BEGAIN: variants seen among roughly 807,000 people sequenced by gnomAD.
BEGAIN encodes brain enriched guanylate kinase associated.
A neutral mutation model predicts 35.8 loss-of-function variants in BEGAIN; 19 were observed. The observed-to-expected ratio is 0.53, with a 90% CI of 0.37 to 0.78. BEGAIN has a LOEUF of 0.78. Ranked by LOEUF, BEGAIN falls within the 30% of genes least tolerant of loss-of-function variation. The pLI is 0.00. For synonymous variants in BEGAIN, 462 were observed against 388.6 expected (o/e 1.19, Z -2.22); for missense variants, 795 against 853.6 (o/e 0.93, Z 0.85).
chr14:100,557,624 C>T (rs1174493712), intron 2 of BEGAIN, among the ~76,000 whole-genome samples: 2 of 152,202 alleles, frequency 1.3e-5, no homozygotes, highest in Admixed American at 6.5e-5. Flanking sequence ...CCTCATTGTA[C>T]TAAGGGTACA....
rs1018190631 is a variant in BEGAIN, at chr14:100,573,922, G to A, written c.43-5983C>T. Among the ~76,000 whole-genome samples, 9 of 151,726 alleles carry A rather than the reference G, an allele frequency of 5.9e-5. No homozygotes were observed. The highest frequency in any genetic ancestry group is 1.3e-4 in the Admixed American group (2 of 15,262). ...TGGGGATCAGGAGGTGAGCAGGACC[G>A]GCCAAGGAGACTGGGAAAGGGTGGG... On this transcript the variant is annotated intron_variant, in intron 1 of 6. Transcript: ENST00000554140. The surrounding 1 kb of genome is among the most constrained non-coding windows in gnomAD (Gnocchi z 4.2).
Position 100,543,963 on chromosome 14 carries a change from G to A in BEGAIN, c.303C>T (p.Gly101=). ...QELEDKLYRM[G]QHYEEEKRAL... ...CACGCTTCTCCTCCTCATAGTGCTG[G>A]CCCTGGGGGTGGGACAGTGGGAGGA... Residue 101 remains glycine, a splice_region_variant and synonymous_variant, in exon 5 of 7, where the codon GGC becomes GGT. Transcript: ENST00000554140. 2 of 1,607,318 alleles carry A rather than the reference G, an allele frequency of 1.2e-6. No homozygotes were observed. The highest frequency in any genetic ancestry group is 8.5e-7 in the Non-Finnish European group (1 of 1,177,052).
chr14:100,557,580 A>G (rs1194940830), intron 2 of BEGAIN, among the ~76,000 whole-genome samples: 1 of 152,144 alleles, frequency 6.6e-6, no homozygotes, highest in Non-Finnish European at 1.5e-5. Flanking sequence ...CTTGGCAGCC[A>G]GTGACGGCAT....
chr14:100,565,240 C>T (rs2139690172), intron 2 of BEGAIN, among the ~76,000 whole-genome samples: 1 of 152,300 alleles, frequency 6.6e-6, no homozygotes, highest in Middle Eastern at 3.4e-3. Flanking sequence ...ACAGGGAAGA[C>T]ACAGAGTTTG....
At chr14:100,545,602 C>G (rs2032271226) in intron 3 of BEGAIN, among the ~76,000 whole-genome samples, 1 of 152,144 alleles carries the variant, frequency 6.6e-6, no homozygotes, top group Non-Finnish European at 1.5e-5. Context: ...TGGGAGGGGG[C>G]TTGGGGATGG....
At chr14:100,583,400 A>C (rs1566983946) in intron 1 of BEGAIN, among the ~76,000 whole-genome samples, 1 of 152,006 alleles carries the variant, frequency 6.6e-6, no homozygotes, top group Non-Finnish European at 1.5e-5. Flanking sequence ...GTATCCATTT[A>C]TGTATCCATT....
At chr14:100,557,923 T>C (rs1018464202) in intron 2 of BEGAIN, among the ~76,000 whole-genome samples, 1 of 152,152 alleles carries the variant, frequency 6.6e-6, no homozygotes, top group African/African-American at 2.4e-5. Context: ...CATCTCCACA[T>C]GCCCCACCTA....
At chr14:100,564,400 C>T (rs986997940) in intron 2 of BEGAIN, among the ~76,000 whole-genome samples, 8 of 151,704 alleles carry the variant, frequency 5.3e-5, no homozygotes, top group Admixed American at 4.6e-4. Context: ...AGGAGGGAAC[C>T]GAAGCTCAAA....
intron 2 of BEGAIN, among the ~76,000 whole-genome samples, chr14:100,555,919 C>T (rs1371271672): frequency 6.6e-6 from 1 of 152,202 alleles, no homozygotes. Flanking sequence ...TGAATGTCAT[C>T]ACCATGGCCG....
chr14:100,581,559 G>A (rs116974772), intron 1 of BEGAIN, among the ~76,000 whole-genome samples: 3 of 152,216 alleles, frequency 2.0e-5, no homozygotes, highest in South Asian at 2.1e-4. Context: ...CTGTGCATGC[G>A]TCATCACCCC....
At position 100,538,331 on chromosome 14, in the gene BEGAIN, C is replaced by A. The variant is rs1673822131; in HGVS notation, c.1477G>T (p.Asp493Tyr). ...ASPLYASYKADSFSEGDDLSQ... is the reference protein window; with the variant it reads ...ASPLYASYKAYSFSEGDDLSQ... ...AGGTCGTCCCCCTCGGAGAAGCTGT[C>A]GGCCTTGTAGCTGGCGTAGAGCGGG... Residue 493 changes from aspartate to tyrosine, a missense_variant, in exon 7 of 7, where the codon GAC becomes TAC. Transcript: ENST00000554140. 6.6e-6 allele frequency: 10 copies of A among 1,519,532 alleles called. No individual in the cohort carries two copies. The highest frequency in any genetic ancestry group is 1.4e-5 in the African/African-American group (1 of 71,280). The allele number at this position is 1,519,532 out of a possible 1,614,324, so 94.1% of individuals were successfully genotyped here.
At position 100,567,787 on chromosome 14, in the gene BEGAIN, C is replaced by G. The variant is rs955202409; in HGVS notation, c.71+124G>C. ...CACACACGCACCTGGCCCGCAGCCC[C>G]GCCGAGGCCGCCCGCGGGCCCTGGG... On this transcript the variant is annotated intron_variant, in intron 2 of 6. Transcript: ENST00000554140. This position sits in a 1 kb window ranked among gnomAD's most constrained non-coding sequence, Gnocchi z 5.1. 1 of 1,033,498 alleles carries G rather than the reference C, an allele frequency of 9.7e-7. No homozygotes were observed. Among genetic ancestry groups the G allele is most frequent in the Non-Finnish European group, 1.3e-6 (1 of 781,810 alleles). The allele number at this position is 1,033,498 out of a possible 1,614,324, so 64.0% of individuals were successfully genotyped here.
intron 2 of BEGAIN, among the ~76,000 whole-genome samples, chr14:100,550,794 G>A (rs994772385): frequency 6.6e-6 from 1 of 152,204 alleles, no homozygotes; most frequent in Non-Finnish European, 1.5e-5. Context: ...CCATGGCAGG[G>A]TCACTGGTCA....
intron 2 of BEGAIN, among the ~76,000 whole-genome samples, chr14:100,561,627 C>A (rs186043450): frequency 6.6e-6 from 1 of 152,046 alleles, no homozygotes; most frequent in Admixed American, 6.5e-5. Context: ...ACATGACTGT[C>A]TGTAGTCCAG....
chr14:100,538,724 A>T lies in BEGAIN; in HGVS notation c.1084T>A (p.Tyr362Asn), dbSNP rs2031030208. ...LFDRKPPATT[Y>N]EGSPRFAKAT... ...TTGGCAAAGCGAGGGCTGCCCTCGT[A>T]GGTGGTGGCGGGTGGCTTGCGGTCG... Residue 362 changes from tyrosine to asparagine, a missense_variant, in exon 7 of 7, where the codon TAC becomes AAC. Physicochemically the swap from Tyr to Asn is moderately radical, Grantham distance 143. Coordinates refer to ENST00000554140, the MANE Select transcript of BEGAIN (RefSeq NM_001385089.1). 6.4e-7 allele frequency: 1 copy of T among 1,568,348 alleles called. No homozygotes were observed. Among genetic ancestry groups the T allele is most frequent in the Admixed American group, 1.9e-5 (1 of 52,696 alleles).
rs949957208 is a variant in BEGAIN at position 100,546,649 on chromosome 14, G to C, written c.85C>G (p.Gln29Glu). ...AGCCGCTTGCGCAGCTCGCCCTTCT[G>C]CTCCTGCAGCGCGCTGCAACGACAT... ...DMEKLSALQE[Q>E]KGELRKRLSY... The change falls in exon 3 of 7, where the codon CAG becomes GAG. Residue 29 changes from glutamine to glutamate, a missense_variant. Coordinates refer to ENST00000554140, the MANE Select transcript of BEGAIN (RefSeq NM_001385089.1). 1 of 1,569,364 alleles carries C rather than the reference G, an allele frequency of 6.4e-7. No individual in the cohort carries two copies. The highest frequency in any genetic ancestry group is 8.6e-7 in the Non-Finnish European group (1 of 1,163,302).
In BEGAIN at chr14:100,538,994, C is replaced by T. The variant is rs2031104476; in HGVS notation, c.814G>A (p.Asp272Asn). Residue 272 changes from aspartate (D) to asparagine (N), a missense_variant, in exon 7 of 7, where the codon GAC (aspartate) becomes AAC (asparagine). Asp to Asn is a conservative substitution (Grantham distance 23). Around this residue, in one of 3 missense-constraint regions of BEGAIN, gnomAD observed 664 missense variants for 647.7 expected, o/e 1.03. Coordinates refer to ENST00000554140, the MANE Select transcript of BEGAIN (RefSeq NM_001385089.1). ...TTCTGGGCCCGCAGGAAGCCCACGT[C>T]GGTCACGGGCGCGTCCACGCTAGGC... ...RRPSVDAPVT[D>N]VGFLRAQNST... 3.7e-6 allele frequency: 6 copies of T among 1,610,266 alleles called. No individual in the cohort carries two copies. The highest frequency in any genetic ancestry group is 1.1e-5 in the South Asian group (1 of 90,768).
At chr14:100,546,807 C>A in intron 2 of BEGAIN, 145 bp from the exon 3 acceptor site, 1 of 603,020 alleles carries the variant, frequency 1.7e-6, no homozygotes, top group Non-Finnish European at 2.6e-6. Context: ...CACACACACA[C>A]ACACACTCAC....
chr14:100,546,816 A>T (rs1351959969), intron 2 of BEGAIN, 154 bp from the exon 3 acceptor site: 4 of 548,832 alleles, frequency 7.3e-6, no homozygotes, highest in East Asian at 7.2e-5. Flanking sequence ...ACACACACTC[A>T]CACACACCCA....
Sources: allele counts gnomAD v4.1 joint callset (sites outside exome capture counted in the v4.1 genomes callset), GRCh38; gene constraint gnomAD v4.1.1; regional missense constraint gnomAD v4.1.1; non-coding constraint Gnocchi (gnomAD v3.1); transcripts MANE v1.5; gene names NCBI Gene and HGNC (gene_info 2026-07-23, HGNC 2026-07-21).